The following RBMS1 variants were observed in gnomAD, a reference collection of about 807,000 sequenced individuals.
RBMS1 encodes the protein RNA binding motif single stranded interacting protein 1, also known as RNA-binding motif, single-stranded-interacting protein 1.
A neutral mutation model predicts 62.3 loss-of-function variants in RBMS1; 17 were observed. The observed-to-expected ratio is 0.27, with a 90% CI of 0.19 to 0.41. RBMS1 has a LOEUF of 0.41. Ranked by LOEUF, RBMS1 falls within the 10% of genes least tolerant of loss-of-function variation. The pLI, the probability that RBMS1 is intolerant of heterozygous loss-of-function variation, is 1.00. For synonymous variants in RBMS1, 172 were observed against 170.0 expected (o/e 1.01, Z -0.09); for missense variants, 334 against 504.5 (o/e 0.66, Z 3.24).
chr2:160,426,463 T>C (rs1027668489), intron 1 of RBMS1, among the ~76,000 whole-genome samples: 2 of 152,176 alleles, frequency 1.3e-5, no homozygotes, highest in Non-Finnish European at 2.9e-5. Context: ...TCAACAAACA[T>C]AAAAATTAGA....
chr2:160,338,427 T>C (rs754559484), intron 2 of RBMS1, among the ~76,000 whole-genome samples: 7 of 152,124 alleles, frequency 4.6e-5, no homozygotes, highest in Non-Finnish European at 7.4e-5. Context: ...CGAGAGACTA[T>C]AGAGTACTCA....
In RBMS1 at chr2:160,287,074, T is replaced by C; in HGVS notation, c.651A>G (p.Glu217=). 1 of 1,614,080 alleles carries C rather than the reference T, an allele frequency of 6.2e-7. No homozygotes were observed. Among genetic ancestry groups the C allele is most frequent in the East Asian group, 2.2e-5 (1 of 44,868 alleles). ...CATCAGCAAACTTACACAATAAAGG[T>C]TCTGTGGGGGCTAAGTAAACAGAGA... The part of the protein sequence containing the change: ...KTPPGVSAPT[E]PLLCKFADGG... Residue 217 remains glutamate (E), a synonymous_variant, in exon 7 of 14, where the codon GAA becomes GAG. Coordinates refer to ENST00000348849, the MANE Select transcript of RBMS1 (RefSeq NM_016836.4).
intron 2 of RBMS1, among the ~76,000 whole-genome samples, chr2:160,329,111 TA>T (rs1429325479): frequency 1.3e-5 from 2 of 152,178 alleles, no homozygotes; most frequent in Non-Finnish European, 2.9e-5. Context: ...TCCACCAGCA[TA>T]TTGATTTTCA....
At chr2:160,407,899 G>A (rs1695845602) in intron 1 of RBMS1, 2 of 980,798 alleles carry the variant, frequency 2.0e-6, no homozygotes, top group East Asian at 1.2e-4. Context: ...CTCAACCACC[G>A]CCCTGAGAGC....
chr2:160,314,514 A>T (rs1274755271), intron 3 of RBMS1, among the ~76,000 whole-genome samples: 4 of 152,328 alleles, frequency 2.6e-5, no homozygotes, highest in South Asian at 4.1e-4. Flanking sequence ...CAAAATCAAC[A>T]TCAATAAAGT....
chr2:160,330,696 A>G (rs567951208), intron 2 of RBMS1, among the ~76,000 whole-genome samples: 5 of 144,974 alleles, frequency 3.4e-5, no homozygotes, highest in Non-Finnish European at 7.6e-5. Context: ...GGTTGCACTG[A>G]AAAAAAAAAA....
At chr2:160,471,116 C>T (rs995411153) in intron 1 of RBMS1, among the ~76,000 whole-genome samples, 10 of 152,172 alleles carry the variant, frequency 6.6e-5, no homozygotes, top group Admixed American at 2.6e-4. Flanking sequence ...CCAGTTCTAA[C>T]TGGAACCATT....
intron 2 of RBMS1, among the ~76,000 whole-genome samples, chr2:160,364,910 AT>A (rs1288296409): frequency 6.6e-6 from 1 of 152,134 alleles, no homozygotes. Flanking sequence ...ACAGTGCTAA[AT>A]TTTTAGTTCT....
At chr2:160,424,545 A>G (rs1185196283) in intron 1 of RBMS1, among the ~76,000 whole-genome samples, 1 of 152,220 alleles carries the variant, frequency 6.6e-6, no homozygotes, top group Admixed American at 6.5e-5. Flanking sequence ...AGGGGAATGA[A>G]GCCCCATTAA....
chr2:160,430,415 C>A (rs749869508), intron 1 of RBMS1, among the ~76,000 whole-genome samples: 2 of 152,090 alleles, frequency 1.3e-5, no homozygotes, highest in African/African-American at 4.8e-5. Flanking sequence ...CAGTGGGAAA[C>A]TAGATCAAAG....
intron 1 of RBMS1, among the ~76,000 whole-genome samples, chr2:160,428,518 G>A (rs1384712337): frequency 1.8e-4 from 24 of 136,866 alleles, no homozygotes; most frequent in African/African-American, 4.5e-4. Flanking sequence ...AGAAGAAGAA[G>A]AAGAAAAAAA....
intron 1 of RBMS1, among the ~76,000 whole-genome samples, chr2:160,388,063 TTC>T (rs1290776336): frequency 6.6e-6 from 1 of 152,194 alleles, no homozygotes. Flanking sequence ...CTGTTAGCTT[TTC>T]TGACGTCAAT....
chr2:160,305,662 T>C (rs1202467764), intron 4 of RBMS1, among the ~76,000 whole-genome samples: 1 of 152,134 alleles, frequency 6.6e-6, no homozygotes, highest in East Asian at 1.9e-4. Flanking sequence ...GTTTGAAAGC[T>C]ACATCTTGAA....
intron 1 of RBMS1, among the ~76,000 whole-genome samples, chr2:160,440,547 G>A (rs1257398715): frequency 6.6e-6 from 1 of 152,118 alleles, no homozygotes; most frequent in Non-Finnish European, 1.5e-5. Context: ...TGCTAGCAAA[G>A]CCTGTCCCCA....
chr2:160,429,174 C>A (rs1159364476), intron 1 of RBMS1, among the ~76,000 whole-genome samples: 4 of 152,182 alleles, frequency 2.6e-5, no homozygotes, highest in Non-Finnish European at 5.9e-5. Flanking sequence ...AAGACCCTGA[C>A]TAAAGGGAGC....
At chr2:160,476,815 A>G (rs1685158491) in intron 1 of RBMS1, among the ~76,000 whole-genome samples, 2 of 151,984 alleles carry the variant, frequency 1.3e-5, no homozygotes, top group Non-Finnish European at 2.9e-5. Context: ...CGGCCTCCCA[A>G]AGTGCTGGGA....
intron 2 of RBMS1, among the ~76,000 whole-genome samples, chr2:160,358,671 C>A (rs1244548313): frequency 6.6e-6 from 1 of 151,998 alleles, no homozygotes; most frequent in East Asian, 1.9e-4. Context: ...GTAATAGACA[C>A]AAAAATGGAA....
At chr2:160,407,487 A>T in intron 1 of RBMS1, 1 of 986,076 alleles carries the variant, frequency 1.0e-6, no homozygotes, top group South Asian at 4.5e-5. Context: ...GGCGTCCGGC[A>T]GTTGCTGCTG....
chr2:160,299,272 A>G (rs1689092076), intron 6 of RBMS1, among the ~76,000 whole-genome samples: 1 of 152,232 alleles, frequency 6.6e-6, no homozygotes, highest in Admixed American at 6.5e-5. Flanking sequence ...TTTAGTTTCT[A>G]GATTGTAAAG....
Sources: allele counts gnomAD v4.1 joint callset (sites outside exome capture counted in the v4.1 genomes callset), GRCh38; gene constraint gnomAD v4.1.1; transcripts MANE v1.5; gene names NCBI Gene and HGNC (gene_info 2026-07-23, HGNC 2026-07-21).